GREB1L: variants seen among roughly 807,000 people sequenced by gnomAD.
The protein encoded by GREB1L is GREB1-like protein.
A neutral mutation model predicts 200.8 loss-of-function variants in GREB1L; 17 were observed. That is an observed-to-expected ratio of 0.08 (90% CI 0.06 to 0.13). The LOEUF (loss-of-function observed/expected upper bound fraction) is 0.13, where lower values mean the gene tolerates loss of function less well. GREB1L is among the 10% of genes least tolerant of loss of function. GREB1L has a pLI of 1.00. For synonymous variants in GREB1L, 789 were observed against 893.0 expected, an observed-to-expected ratio of 0.88 and a Z score of 2.08; for missense variants, 1,657 against 2,367.7, an observed-to-expected ratio of 0.70 and a Z score of 6.23.
intron 32 of GREB1L, 106 bp from the exon 33 acceptor site, chr18:21,522,552 T>A (rs746855522): frequency 7.7e-5 from 61 of 797,362 alleles, no homozygotes; most frequent in Non-Finnish European, 1.1e-4. Flanking sequence ...TGCTTATCCA[T>A]CTGTTGGTTC....
rs1266822957 is a variant in GREB1L at position 21,401,201 on chromosome 18, C to T, written c.584C>T (p.Thr195Met). Residue 195 changes from threonine to methionine, a missense_variant, in exon 6 of 33, where the codon ACG becomes ATG. Thr to Met is a moderately conservative substitution (Grantham distance 81). Around this residue, in one of 9 missense-constraint regions of GREB1L, gnomAD observed 70 missense variants for 151.3 expected, o/e 0.46. Coordinates refer to ENST00000424526, the MANE Select transcript of GREB1L (RefSeq NM_001142966.3). Reference protein sequence around the residue: ...GCGERGFRYFTEFSNHINLKL... With the variant: ...GCGERGFRYFMEFSNHINLKL... Reference sequence around the variant, plus strand: ...GGAGAAAGAGGATTTCGATATTTCACGGAATTTTCCAACCACATTAACTTG... The same window carrying T: ...GGAGAAAGAGGATTTCGATATTTCATGGAATTTTCCAACCACATTAACTTG... The T allele has an allele frequency of 2.6e-6, 4 of 1,551,392 alleles. No homozygotes were observed. Among genetic ancestry groups the T allele is most frequent in the South Asian group, 2.4e-5 (2 of 84,052 alleles).
chr18:21,247,253 G>C (rs1412420983), intron 1 of GREB1L, among the ~76,000 whole-genome samples: 1 of 152,098 alleles, frequency 6.6e-6, no homozygotes, highest in Non-Finnish European at 1.5e-5. Context: ...AGTTGTTTTT[G>C]ACCTGCCTAT....
chr18:21,380,063 A>G (rs1195262943), intron 2 of GREB1L, among the ~76,000 whole-genome samples: 2 of 152,150 alleles, frequency 1.3e-5, no homozygotes, highest in African/African-American at 4.8e-5. Flanking sequence ...TTTTGTTTTT[A>G]TTACTTATAT....
At chr18:21,395,175 C>T (rs1405565387) in intron 4 of GREB1L, among the ~76,000 whole-genome samples, 2 of 150,318 alleles carry the variant, frequency 1.3e-5, no homozygotes, top group South Asian at 2.1e-4. Context: ...GCGAAGCAGA[C>T]GGAAATATTT....
chr18:21,409,479 C>T (rs1385788253), intron 7 of GREB1L, among the ~76,000 whole-genome samples: 3 of 152,074 alleles, frequency 2.0e-5, no homozygotes, highest in Admixed American at 2.0e-4. Context: ...GGTAAGGCTA[C>T]TAAAAATCAT....
At chr18:21,277,080 C>T (rs1265266165) in intron 1 of GREB1L, among the ~76,000 whole-genome samples, 8 of 152,084 alleles carry the variant, frequency 5.3e-5, no homozygotes, top group Non-Finnish European at 8.8e-5. Context: ...AGGCACCCAC[C>T]ACCACGCCCA....
At chr18:21,512,096 T>A (rs2037261520) in intron 27 of GREB1L, among the ~76,000 whole-genome samples, 1 of 152,166 alleles carries the variant, frequency 6.6e-6, no homozygotes, top group Admixed American at 6.5e-5. Flanking sequence ...TTACTATAGC[T>A]TTGTAGTAAG....
intron 7 of GREB1L, among the ~76,000 whole-genome samples, chr18:21,420,370 T>C (rs2144857879): frequency 7.1e-6 from 1 of 141,732 alleles, no homozygotes; most frequent in Non-Finnish European, 1.5e-5. Flanking sequence ...AGAGACTCCA[T>C]CTCGAAAAAA....
intron 7 of GREB1L, among the ~76,000 whole-genome samples, chr18:21,417,867 G>T (rs1349785004): frequency 4.6e-5 from 7 of 151,798 alleles, no homozygotes; most frequent in Admixed American, 3.9e-4. Context: ...TATAGTCCCA[G>T]CTACTCGGGA....
chr18:21,450,851 T>C, intron 12 of GREB1L, 172 bp from the exon 13 acceptor site: 1 of 558,642 alleles, frequency 1.8e-6, no homozygotes, highest in Non-Finnish European at 3.1e-6. Flanking sequence ...GAGTCAGAAT[T>C]GATATTTCAA....
Position 21,473,164 on chromosome 18 carries a change from C to A in GREB1L, c.2316C>A (p.Tyr772Ter). Reference protein sequence around the residue: ...VFMRRVKQNPYTLFVLVHDNS... With the variant: ...VFMRRVKQNP ...TGAGGAGAGTGAAACAGAACCCGTACACACTGTTTGTGCTAGTTCATGACA... is the reference window on the plus strand; with the variant it reads ...TGAGGAGAGTGAAACAGAACCCGTAAACACTGTTTGTGCTAGTTCATGACA... The change falls in exon 16 of 33, where the codon TAC becomes TAA. Residue 772 changes from tyrosine (Y) to a stop codon, truncating the protein, a stop_gained. Transcript: ENST00000424526. LOFTEE classifies it high-confidence loss of function. The A allele has an allele frequency of 6.5e-7, 1 of 1,548,982 alleles. No homozygotes were observed.
chr18:21,465,180 G>A (rs2035218502), intron 15 of GREB1L, among the ~76,000 whole-genome samples: 1 of 152,064 alleles, frequency 6.6e-6, no homozygotes, highest in Non-Finnish European at 1.5e-5. Context: ...TAATTACCAT[G>A]TTGTACAATC....
At chr18:21,484,427 A>G (rs1167982595) in intron 17 of GREB1L, among the ~76,000 whole-genome samples, 9 of 152,140 alleles carry the variant, frequency 5.9e-5, no homozygotes, top group Non-Finnish European at 1.2e-4. Flanking sequence ...GGCGTGAGCC[A>G]CTGCGCCCAG....
intron 1 of GREB1L, among the ~76,000 whole-genome samples, chr18:21,276,185 C>T (rs1335205324): frequency 6.6e-6 from 1 of 152,284 alleles, no homozygotes; most frequent in African/African-American, 2.4e-5. Flanking sequence ...AGTCCTCAAT[C>T]GACCAGTCTT....
chr18:21,411,845 A>T (rs2031055959), intron 7 of GREB1L, among the ~76,000 whole-genome samples: 1 of 151,504 alleles, frequency 6.6e-6, no homozygotes, highest in African/African-American at 2.4e-5. Flanking sequence ...GGAGATCGAG[A>T]CCATCCTGGC....
chr18:21,413,293 G>GT (rs1305313701), intron 7 of GREB1L, among the ~76,000 whole-genome samples: 1 of 152,150 alleles, frequency 6.6e-6, no homozygotes, highest in Non-Finnish European at 1.5e-5. Flanking sequence ...GATGATGGCT[G>GT]TTTAAGAAGC....
chr18:21,408,122 C>G (rs1470377883), intron 7 of GREB1L, among the ~76,000 whole-genome samples: 1 of 149,580 alleles, frequency 6.7e-6, no homozygotes, highest in African/African-American at 2.4e-5. Flanking sequence ...TTTGAATGTT[C>G]CCAATACACA....
At position 21,499,595 on chromosome 18, in the gene GREB1L, G is replaced by T. The variant is rs143680345; in HGVS notation, c.3392-134G>T. 44 of 648,298 alleles carry T rather than the reference G, an allele frequency of 6.8e-5. No homozygotes were observed. The African/African-American group carries it at 7.5e-4, about 11-fold the overall frequency. 40.2% of individuals were successfully genotyped at this position (648,298 alleles called of 1,614,324 possible). ...GGAGCAATGTGGAGAGCGGCAAAGA[G>T]AAGATTTCTTGCTCAGGGTCTGCAG... On this transcript the variant is annotated intron_variant, in intron 21 of 32. Coordinates refer to ENST00000424526, the MANE Select transcript of GREB1L (RefSeq NM_001142966.3).
chr18:21,372,164 T>A (rs528539541), intron 2 of GREB1L, among the ~76,000 whole-genome samples: 2 of 152,080 alleles, frequency 1.3e-5, no homozygotes, highest in African/African-American at 4.8e-5. Flanking sequence ...TTTTTTTTTT[T>A]TTGAGACAGA....
Sources: gnomAD v4.1 joint callset for allele counts (sites outside exome capture counted in the v4.1 genomes callset) on GRCh38, gnomAD v4.1.1 for gene constraint, gnomAD v4.1.1 regional missense constraint, MANE v1.5 for transcripts, NCBI Gene and HGNC (gene_info 2026-07-23, HGNC 2026-07-21) for gene names.